STK32B: variants seen among roughly 807,000 people sequenced by gnomAD.
The protein encoded by STK32B is serine/threonine-protein kinase 32B.
STK32B carries 43 observed loss-of-function variants against 52.6 expected under a neutral mutation model. The observed-to-expected ratio is 0.82, with a 90% CI of 0.64 to 1.05. STK32B has a LOEUF of 1.05. STK32B is among the 50% of genes least tolerant of loss of function. STK32B has a pLI of 0.00. For missense variants in STK32B, 621 were observed against 534.6 expected (o/e 1.16, Z -1.59); for synonymous variants, 238 against 204.3 (o/e 1.17, Z -1.41).
intron 1 of STK32B, among the ~76,000 whole-genome samples, chr4:5,070,282 A>T (rs1488381570): frequency 6.6e-6 from 1 of 151,884 alleles, no homozygotes; most frequent in Admixed American, 6.6e-5. Flanking sequence ...GTTGAGGAGC[A>T]GCGTCCTCTT....
chr4:5,321,611 T>C (rs1009469873), intron 3 of STK32B, among the ~76,000 whole-genome samples: 2 of 152,220 alleles, frequency 1.3e-5, no homozygotes, highest in Admixed American at 1.3e-4. Flanking sequence ...GTCTTACCTG[T>C]CCTTTGTCAG....
At chr4:5,455,625 C>A (rs1174537584) in intron 7 of STK32B, among the ~76,000 whole-genome samples, 1 of 152,084 alleles carries the variant, frequency 6.6e-6, no homozygotes, top group Non-Finnish European at 1.5e-5. Flanking sequence ...AACCCAGGGA[C>A]CAAGGTGGCA....
intron 3 of STK32B, among the ~76,000 whole-genome samples, chr4:5,288,760 A>G (rs757277616): frequency 2.0e-5 from 3 of 151,998 alleles, no homozygotes; most frequent in African/African-American, 4.8e-5. Context: ...CCAACTTTCT[A>G]TTTTTTTCTT....
At chr4:5,138,118 T>C (rs1221367417) in intron 1 of STK32B, among the ~76,000 whole-genome samples, 1 of 152,226 alleles carries the variant, frequency 6.6e-6, no homozygotes, top group African/African-American at 2.4e-5. Context: ...AGTGAAAATA[T>C]GAAATCTCTT....
At chr4:5,411,870 AACTG>A (rs1711718617) in intron 5 of STK32B, among the ~76,000 whole-genome samples, 1 of 152,154 alleles carries the variant, frequency 6.6e-6, no homozygotes, top group African/African-American at 2.4e-5. Context: ...TAGCAGCCCA[AACTG>A]ACTAAGACAT....
At chr4:5,125,572 C>G (rs1437032716) in intron 1 of STK32B, among the ~76,000 whole-genome samples, 3 of 152,132 alleles carry the variant, frequency 2.0e-5, no homozygotes, top group South Asian at 2.1e-4. Flanking sequence ...AGGGAGATGC[C>G]CAGCAGGCTG....
At chr4:5,333,513 G>A (rs939983508) in intron 4 of STK32B, among the ~76,000 whole-genome samples, 3 of 152,152 alleles carry the variant, frequency 2.0e-5, no homozygotes, top group Admixed American at 6.5e-5. Flanking sequence ...GGCTTTTGTT[G>A]CCATTGCTTT....
At chr4:5,172,519 G>A (rs995935596) in intron 3 of STK32B, among the ~76,000 whole-genome samples, 1 of 152,170 alleles carries the variant, frequency 6.6e-6, no homozygotes, top group East Asian at 1.9e-4. Context: ...TTAGCATGAA[G>A]GGTTGTTGAA....
intron 3 of STK32B, among the ~76,000 whole-genome samples, chr4:5,242,983 T>G (rs1194997764): frequency 1.3e-5 from 2 of 152,234 alleles, no homozygotes; most frequent in African/African-American, 2.4e-5. Context: ...TACTGTAGCC[T>G]TGTAGTATGG....
At chr4:5,245,365 T>G (rs1410269994) in intron 3 of STK32B, among the ~76,000 whole-genome samples, 2 of 152,202 alleles carry the variant, frequency 1.3e-5, no homozygotes, top group Non-Finnish European at 2.9e-5. Flanking sequence ...TCTTGGTTGG[T>G]TTAAAGTCTG....
At chr4:5,423,780 G>C (rs1342217463) in intron 6 of STK32B, among the ~76,000 whole-genome samples, 1 of 152,190 alleles carries the variant, frequency 6.6e-6, no homozygotes, top group African/African-American at 2.4e-5. Context: ...ACTGCAGTGA[G>C]TCCAGAGGGG....
At chr4:5,241,010 G>T (rs28710000) in intron 3 of STK32B, among the ~76,000 whole-genome samples, 1 of 152,100 alleles carries the variant, frequency 6.6e-6, no homozygotes, top group Admixed American at 6.5e-5. Flanking sequence ...TCTTCAAGAA[G>T]AATCTTCTTA....
chr4:5,216,688 C>T (rs1015653348), intron 3 of STK32B, among the ~76,000 whole-genome samples: 1 of 152,136 alleles, frequency 6.6e-6, no homozygotes, highest in African/African-American at 2.4e-5. Flanking sequence ...GATGGATGTG[C>T]AGAACACAGC....
At chr4:5,038,003 C>T in the STK32B span, among the ~76,000 whole-genome samples, 1 of 152,142 alleles carries the variant, frequency 6.6e-6, no homozygotes, top group Non-Finnish European at 1.5e-5. Context: ...ACCCGTCCAT[C>T]CTTGCTTTGC....
Position 5,400,326 on chromosome 4 carries a change from C to T in STK32B, c.472+2082C>T, listed in dbSNP as rs996389553. Among the ~76,000 whole-genome samples the T allele has an allele frequency of 2.0e-5, 3 of 152,156 alleles. No individual in the cohort carries two copies. The highest frequency in any genetic ancestry group is 7.2e-5 in the African/African-American group (3 of 41,442). The stretch of plus-strand genomic sequence containing the variant: ...CCTCCCTTTCTGTACCCATTCTCAG[C>T]CTCCACCTCAGCCTTCCCCACATTC... On this transcript the variant is annotated intron_variant, in intron 5 of 11. Coordinates refer to ENST00000282908, the MANE Select transcript of STK32B (RefSeq NM_018401.3). This position sits in a 1 kb window ranked among gnomAD's most constrained non-coding sequence, Gnocchi z 6.1.
intron 6 of STK32B, among the ~76,000 whole-genome samples, chr4:5,440,592 T>A (rs1226477492): frequency 2.0e-5 from 3 of 152,236 alleles, no homozygotes; most frequent in Non-Finnish European, 4.4e-5. Context: ...TGAATACCCT[T>A]TATTTCCTTC....
intron 3 of STK32B, among the ~76,000 whole-genome samples, chr4:5,321,588 A>G (rs954688680): frequency 3.3e-5 from 5 of 152,098 alleles, no homozygotes; most frequent in African/African-American, 9.7e-5. Context: ...TTTTCCCACT[A>G]TCTCCTCTAT....
chr4:5,494,972 T>A (rs1241010399), intron 11 of STK32B, among the ~76,000 whole-genome samples: 5 of 152,188 alleles, frequency 3.3e-5, no homozygotes, highest in Admixed American at 2.6e-4. Flanking sequence ...CTTCCCTTTG[T>A]GGGTAACCCG....
chr4:5,343,015 A>C (rs1445196858), intron 4 of STK32B, among the ~76,000 whole-genome samples: 1 of 152,040 alleles, frequency 6.6e-6, no homozygotes, highest in East Asian at 1.9e-4. Context: ...TTTGTTACAT[A>C]TATATACATG....
Sources: allele counts gnomAD v4.1 joint callset (sites outside exome capture counted in the v4.1 genomes callset), GRCh38; gene constraint gnomAD v4.1.1; non-coding constraint Gnocchi (gnomAD v3.1); transcripts MANE v1.5; gene names NCBI Gene and HGNC (gene_info 2026-07-23, HGNC 2026-07-21).